The following PCDH15 variants were observed in gnomAD, a reference collection of about 807,000 sequenced individuals.
PCDH15 encodes protocadherin related 15.
In PCDH15, 129 loss-of-function variants were observed where a neutral mutation model predicts 178.5. The ratio of observed to expected loss-of-function variants is 0.72; its 90% CI spans 0.63 to 0.84. PCDH15 has a LOEUF of 0.84. Among genes scored for constraint, PCDH15 ranks in the 40% least tolerant of loss-of-function variants. PCDH15 has a pLI of 0.00. For missense variants in PCDH15, 2,230 were observed against 2,099.9 expected, an observed-to-expected ratio of 1.06 and a Z score of -1.21; for synonymous variants, 800 against 732.0, an observed-to-expected ratio of 1.09 and a Z score of -1.50.
At chr10:53,843,872 C>A (rs1164189315) in intron 28 of PCDH15, among the ~76,000 whole-genome samples, 4 of 152,028 alleles carry the variant, frequency 2.6e-5, no homozygotes, top group Non-Finnish European at 4.4e-5. Context: ...GGGCCAGAAG[C>A]CATTCCAGAC....
intron 13 of PCDH15, among the ~76,000 whole-genome samples, chr10:54,175,016 A>G (rs934211917): frequency 6.6e-6 from 1 of 152,204 alleles, no homozygotes; most frequent in East Asian, 1.9e-4. Context: ...TTAGAAAAAA[A>G]TAAAATGCTT....
chr10:55,400,106 C>A (rs1838027579), intron 2 of PCDH15, among the ~76,000 whole-genome samples: 1 of 152,114 alleles, frequency 6.6e-6, no homozygotes, highest in African/African-American at 2.4e-5. Flanking sequence ...TTGTTACATG[C>A]ACACCTCATC....
At chr10:55,064,545 T>G (rs1173750097) in intron 2 of PCDH15, among the ~76,000 whole-genome samples, 4 of 152,084 alleles carry the variant, frequency 2.6e-5, no homozygotes, top group African/African-American at 9.7e-5. Context: ...ATTTAATTAA[T>G]AAGTGTCTAG....
At chr10:54,991,046 T>C (rs1205377995) in intron 2 of PCDH15, among the ~76,000 whole-genome samples, 1 of 152,190 alleles carries the variant, frequency 6.6e-6, no homozygotes, top group Non-Finnish European at 1.5e-5. Flanking sequence ...TAAGTTTCTA[T>C]TTCTTGCTTT....
intron 10 of PCDH15, among the ~76,000 whole-genome samples, chr10:54,210,529 C>T (rs773378812): frequency 1.5e-4 from 23 of 152,060 alleles, no homozygotes; most frequent in Non-Finnish European, 2.2e-4. Context: ...TGCAAAAAAG[C>T]AGCTTCCTAA....
chr10:54,853,336 C>CAT (rs35481515), intron 3 of PCDH15, among the ~76,000 whole-genome samples: 64,317 of 126,252 alleles, frequency 0.51, 16,062 homozygotes, highest in East Asian at 0.76. Context: ...CACACATATA[C>CAT]ATATATATAC....
chr10:54,576,026 TC>T (rs1196937970), intron 2 of PCDH15, among the ~76,000 whole-genome samples: 1 of 131,044 alleles, frequency 7.6e-6, no homozygotes, highest in African/African-American at 2.8e-5. Context: ...TAGATACATA[TC>T]TTTTACCTTG....
intron 28 of PCDH15, among the ~76,000 whole-genome samples, chr10:53,853,917 A>C (rs1383513162): frequency 1.3e-5 from 2 of 151,998 alleles, no homozygotes; most frequent in East Asian, 3.9e-4. Flanking sequence ...CTGAGAATGC[A>C]CTCAAAAGAA....
intron 3 of PCDH15, among the ~76,000 whole-genome samples, chr10:54,510,306 C>G (rs772601403): frequency 1.3e-5 from 2 of 152,142 alleles, no homozygotes; most frequent in African/African-American, 2.4e-5. Flanking sequence ...AAGAACATAT[C>G]TACCCTGATG....
chr10:54,437,703 T>C (rs952571442), intron 3 of PCDH15, among the ~76,000 whole-genome samples: 1 of 152,180 alleles, frequency 6.6e-6, no homozygotes, highest in African/African-American at 2.4e-5. Context: ...ATAAACAGTT[T>C]GATTAGATTT....
chr10:53,842,350 G>A (rs770444591), intron 28 of PCDH15, among the ~76,000 whole-genome samples: 3 of 152,030 alleles, frequency 2.0e-5, no homozygotes, highest in Admixed American at 1.3e-4. Flanking sequence ...TCCACCTCCC[G>A]GGTTCAAGGG....
chr10:55,334,240 ATATGTGTGTGTG>A (rs1844301806), intron 2 of PCDH15, among the ~76,000 whole-genome samples: 2 of 88,628 alleles, frequency 2.3e-5, no homozygotes, highest in East Asian at 3.3e-4. Flanking sequence ...ATATATATAT[ATATGTGTGTGTG>A]TGTGTGTGTG....
intron 2 of PCDH15, among the ~76,000 whole-genome samples, chr10:55,354,171 C>G (rs1845014719): frequency 6.6e-6 from 1 of 152,006 alleles, no homozygotes; most frequent in Non-Finnish European, 1.5e-5. Flanking sequence ...GTAATTATAT[C>G]TCACAGTAAA....
Position 53,840,425 on chromosome 10 carries a change from C to T in PCDH15, c.3878G>A (p.Arg1293Gln), listed in dbSNP as rs536702239. Residue 1293 changes from arginine (R) to glutamine (Q), a missense_variant, in exon 29 of 38, where the codon CGG becomes CAG. Arg to Gln is a conservative substitution (Grantham distance 43). Coordinates refer to ENST00000644397, the MANE Select transcript of PCDH15 (RefSeq NM_001384140.1). ...TTCTAGGGAAAAGGCATCTCCATGC[C>T]GGCGAGCTCCAATGGACTCCACTAC... ...KVVVESIGAR[R>Q]HGDAFSLEDY... The T allele has an allele frequency of 1.2e-5, 19 of 1,613,942 alleles. No homozygotes were observed. Among genetic ancestry groups the T allele is most frequent in the South Asian group, 6.6e-5 (6 of 91,074 alleles).
chr10:53,996,145 T>G (rs1250611917), intron 20 of PCDH15, among the ~76,000 whole-genome samples: 1 of 152,094 alleles, frequency 6.6e-6, no homozygotes, highest in Middle Eastern at 3.2e-3. Context: ...CGTAAAAGAT[T>G]TTTTTTAAAT....
intron 6 of PCDH15, among the ~76,000 whole-genome samples, chr10:54,344,460 AAAGT>A (rs1254421714): frequency 6.6e-6 from 1 of 152,160 alleles, no homozygotes; most frequent in Non-Finnish European, 1.5e-5. Context: ...AAGATAGTTT[AAAGT>A]AATATATTTT....
intron 18 of PCDH15, among the ~76,000 whole-genome samples, chr10:54,025,030 C>A (rs1160111388): frequency 6.6e-6 from 1 of 152,040 alleles, no homozygotes; most frequent in Non-Finnish European, 1.5e-5. Context: ...ATCATTTATG[C>A]AATTAGAAAT....
intron 9 of PCDH15, among the ~76,000 whole-genome samples, chr10:54,231,112 C>A (rs976292832): frequency 4.6e-5 from 7 of 152,160 alleles, no homozygotes; most frequent in South Asian, 2.1e-4. Context: ...CTTTCAGAGA[C>A]CTTCATGGCA....
intron 2 of PCDH15, among the ~76,000 whole-genome samples, chr10:55,472,709 C>A (rs1839986872): frequency 6.6e-6 from 1 of 152,146 alleles, no homozygotes; most frequent in East Asian, 1.9e-4. Flanking sequence ...GCTGTGACTA[C>A]AGGCGCCCGC....
Sources: gnomAD v4.1 joint callset for allele counts (sites outside exome capture counted in the v4.1 genomes callset) on GRCh38, gnomAD v4.1.1 for gene constraint, MANE v1.5 for transcripts, NCBI Gene and HGNC (gene_info 2026-07-23, HGNC 2026-07-21) for gene names.